The following LYPD6B variants were observed in gnomAD, a reference collection of about 807,000 sequenced individuals.
LYPD6B encodes the protein ly6/PLAUR domain-containing protein 6B.
A neutral mutation model predicts 22.8 loss-of-function variants in LYPD6B; 17 were observed. The observed-to-expected ratio is 0.75, with a 90% CI of 0.51 to 1.12. The LOEUF (loss-of-function observed/expected upper bound fraction) is 1.12, where lower values mean the gene tolerates loss of function less well. LYPD6B is among the 50% of genes most tolerant of loss of function. The pLI is 0.00. For synonymous variants in LYPD6B, 106 were observed against 91.6 expected, an observed-to-expected ratio of 1.16 and a Z score of -0.90; for missense variants, 221 against 258.3, an observed-to-expected ratio of 0.86 and a Z score of 0.99.
At chr2:149,044,723 A>T (rs1473852760) in intron 1 of LYPD6B, among the ~76,000 whole-genome samples, 1 of 152,068 alleles carries the variant, frequency 6.6e-6, no homozygotes, top group Non-Finnish European at 1.5e-5. Flanking sequence ...ACTGTTAAGT[A>T]TGATGTTAGT....
chr2:149,120,784 CTTTTT>C (rs567231544), intron 1 of LYPD6B, among the ~76,000 whole-genome samples: 43 of 95,538 alleles, frequency 4.5e-4, no homozygotes, highest in East Asian at 1.6e-3. Flanking sequence ...GCTACAAAGT[CTTTTT>C]TTTTTTTTTT....
At chr2:149,193,163 A>T (rs7573055) in intron 3 of LYPD6B, among the ~76,000 whole-genome samples, 1 of 151,946 alleles carries the variant, frequency 6.6e-6, no homozygotes, top group East Asian at 1.9e-4. Context: ...CCAGATGGTC[A>T]CCTCACCAAG....
At chr2:149,132,273 A>C (rs1688077486) in intron 2 of LYPD6B, among the ~76,000 whole-genome samples, 1 of 150,344 alleles carries the variant, frequency 6.7e-6, no homozygotes, top group African/African-American at 2.5e-5. Flanking sequence ...GCAGCATTCT[A>C]GATGGAACCC....
chr2:149,193,900 A>C (rs1692644846), intron 3 of LYPD6B, among the ~76,000 whole-genome samples: 1 of 152,230 alleles, frequency 6.6e-6, no homozygotes, highest in Non-Finnish European at 1.5e-5. Context: ...AAAAGAGTAC[A>C]GCCCAGAATA....
In LYPD6B at chr2:149,166,102, C is replaced by T. The variant is rs72981276; in HGVS notation, c.77+5267C>T. On this transcript the variant is annotated intron_variant, in intron 3 of 6. Coordinates refer to ENST00000409642, the MANE Select transcript of LYPD6B (RefSeq NM_177964.5). ...TTTGAAGAATGAGGATATTTAATAA[C>T]GCCCTCTATAACCTTTCAGGTAGCC... is the stretch of plus-strand genomic sequence containing the variant. Among the ~76,000 whole-genome samples the T allele has an allele frequency of 2.8e-3, 422 of 152,246 alleles. 3 individuals carry two copies. Among genetic ancestry groups the T allele is most frequent in the African/African-American group, 9.7e-3 (405 of 41,546 alleles).
intron 1 of LYPD6B, among the ~76,000 whole-genome samples, chr2:149,120,384 T>TATATATA (rs55814140): frequency 5.0e-4 from 17 of 33,824 alleles, no homozygotes; most frequent in African/African-American, 9.0e-4. Context: ...TATATATATA[T>TATATATA]TTTTTTTTTT....
At chr2:149,082,567 T>C (rs964445153) in intron 1 of LYPD6B, among the ~76,000 whole-genome samples, 3 of 152,184 alleles carry the variant, frequency 2.0e-5, no homozygotes, top group Non-Finnish European at 4.4e-5. Context: ...TATTGCAATT[T>C]TTTTTGCCTT....
intron 1 of LYPD6B, among the ~76,000 whole-genome samples, chr2:149,122,046 A>G (rs1461199892): frequency 6.6e-6 from 1 of 152,204 alleles, no homozygotes; most frequent in Non-Finnish European, 1.5e-5. Flanking sequence ...TAATTGTGGA[A>G]GTTTGTTTCA....
intron 1 of LYPD6B, among the ~76,000 whole-genome samples, chr2:149,094,944 GT>G (rs900837542): frequency 1.3e-5 from 2 of 152,120 alleles, no homozygotes; most frequent in African/African-American, 4.8e-5. Context: ...AATTTTTAAT[GT>G]TTAAGAATTT....
chr2:149,138,368 T>C (rs1688489953), intron 2 of LYPD6B, among the ~76,000 whole-genome samples: 1 of 152,204 alleles, frequency 6.6e-6, no homozygotes, highest in African/African-American at 2.4e-5. Context: ...TGTGACTCCA[T>C]AGTATGTTCA....
chr2:149,119,731 CAT>C (rs1047158191), intron 1 of LYPD6B, among the ~76,000 whole-genome samples: 1 of 152,318 alleles, frequency 6.6e-6, no homozygotes. Context: ...GAGCATGAAA[CAT>C]ATTCTAAAAG....
In LYPD6B at chr2:149,126,262, C is replaced by T. The variant is rs191396008; in HGVS notation, c.-66-4621C>T. 5.9e-5 allele frequency among the ~76,000 whole-genome samples: 9 copies of T among 152,252 alleles called. No individual in the cohort carries two copies. In the East Asian group the frequency reaches 9.6e-4, roughly 16 times the overall value. On this transcript the variant is annotated intron_variant, in intron 1 of 6. Transcript: ENST00000409642. ...CTAGATGTGGAATATAGTTGACTCT[C>T]GGACAATGGTGGGCTTAGGGGTGCT...
At chr2:149,124,708 T>G (rs1687585215) in intron 1 of LYPD6B, among the ~76,000 whole-genome samples, 1 of 152,188 alleles carries the variant, frequency 6.6e-6, no homozygotes, top group Non-Finnish European at 1.5e-5. Context: ...GGCACTTAAA[T>G]GTGTTATGCA....
chr2:149,104,915 A>G (rs747426354), intron 1 of LYPD6B, among the ~76,000 whole-genome samples: 11 of 152,128 alleles, frequency 7.2e-5, no homozygotes, highest in Non-Finnish European at 1.3e-4. Context: ...GAAAGTTTAA[A>G]ATTTATAATT....
chr2:149,120,426 A>G (rs370510760), intron 1 of LYPD6B, among the ~76,000 whole-genome samples: 4 of 116,522 alleles, frequency 3.4e-5, no homozygotes, highest in East Asian at 5.5e-4. Context: ...GCTATCTCCC[A>G]GGCTGGAGTG....
intron 3 of LYPD6B, among the ~76,000 whole-genome samples, chr2:149,193,561 G>A (rs1167259939): frequency 1.3e-5 from 2 of 152,092 alleles, no homozygotes; most frequent in Admixed American, 1.3e-4. Context: ...AGGTGGGTAC[G>A]AGTAAATTTG....
chr2:149,125,243 A>AC, intron 1 of LYPD6B, among the ~76,000 whole-genome samples: 1 of 152,294 alleles, frequency 6.6e-6, no homozygotes, highest in East Asian at 1.9e-4. Flanking sequence ...GCCAAAGTCA[A>AC]ACAACGCCTG....
chr2:149,123,833 C>G (rs1687526866), intron 1 of LYPD6B, among the ~76,000 whole-genome samples: 1 of 152,218 alleles, frequency 6.6e-6, no homozygotes, highest in African/African-American at 2.4e-5. Context: ...GCACTCCAGC[C>G]TGGCCGACAG....
chr2:149,041,594 G>A (rs1446471067), intron 1 of LYPD6B, among the ~76,000 whole-genome samples: 2 of 152,150 alleles, frequency 1.3e-5, no homozygotes, highest in African/African-American at 2.4e-5. Context: ...TAGCAAGGAG[G>A]AAAGTGAGAC....
Sources: allele counts gnomAD v4.1 joint callset (sites outside exome capture counted in the v4.1 genomes callset), GRCh38; gene constraint gnomAD v4.1.1; transcripts MANE v1.5; gene names NCBI Gene and HGNC (gene_info 2026-07-23, HGNC 2026-07-21).